The following PALM2AKAP2 variants were observed in gnomAD, a reference collection of about 807,000 sequenced individuals.
PALM2AKAP2 encodes the protein PALM2 and AKAP2 fusion.
A neutral mutation model predicts 71.5 loss-of-function variants in PALM2AKAP2; 37 were observed. That is an observed-to-expected ratio of 0.52 (90% CI 0.40 to 0.68). The LOEUF (loss-of-function observed/expected upper bound fraction) is 0.68, where lower values mean the gene tolerates loss of function less well. Among genes scored for constraint, PALM2AKAP2 ranks in the 30% least tolerant of loss-of-function variants. The pLI is 0.00. For missense variants in PALM2AKAP2, 1,224 were observed against 1,191.8 expected (o/e 1.03, Z -0.40); for synonymous variants, 468 against 478.8 (o/e 0.98, Z 0.29).
intron 1 of PALM2AKAP2, among the ~76,000 whole-genome samples, chr9:109,841,446 C>T (rs1234969763): frequency 1.6e-5 from 2 of 128,898 alleles, no homozygotes; most frequent in African/African-American, 6.1e-5. Flanking sequence ...AGCACACCAA[C>T]ATGGCACATG....
chr9:109,649,800 T>G (rs920418729), intron 1 of PALM2AKAP2, among the ~76,000 whole-genome samples: 4 of 152,208 alleles, frequency 2.6e-5, no homozygotes, highest in African/African-American at 7.2e-5. Flanking sequence ...ATATTTTGTC[T>G]CATAAAAAAT....
At chr9:109,944,297 G>A (rs1831450679) in intron 6 of PALM2AKAP2, 1 of 151,920 alleles carries the variant, frequency 6.6e-6, no homozygotes, top group Admixed American at 6.5e-5. Flanking sequence ...CTTTTTTCTG[G>A]ATATTTTCTG....
At chr9:109,958,117 A>C (rs759666588) in intron 6 of PALM2AKAP2, among the ~76,000 whole-genome samples, 1 of 152,046 alleles carries the variant, frequency 6.6e-6, no homozygotes, top group Admixed American at 6.6e-5. Flanking sequence ...TTCCCATTAC[A>C]AAAGAAATAT....
At chr9:110,046,480 T>C (rs1833598726), upstream of PALM2AKAP2, among the ~76,000 whole-genome samples, 1 of 150,094 alleles carries the variant, frequency 6.7e-6, no homozygotes, top group Non-Finnish European at 1.5e-5. Flanking sequence ...TTTTTTTTTT[T>C]TTTTTGAGAC....
intron 7 of PALM2AKAP2, among the ~76,000 whole-genome samples, chr9:110,026,563 A>T (rs2132394335): frequency 6.6e-6 from 1 of 152,186 alleles, no homozygotes; most frequent in South Asian, 2.1e-4. Context: ...CATCATCGTC[A>T]TCCATCCTTC....
chr9:110,005,788 A>T (rs751585584), intron 6 of PALM2AKAP2, among the ~76,000 whole-genome samples: 39 of 152,326 alleles, frequency 2.6e-4, no homozygotes, highest in Non-Finnish European at 4.9e-4. Flanking sequence ...CTGTGCTAGC[A>T]ATGAGCGAGG....
At chr9:109,920,118 G>T (rs1261413477) in intron 3 of PALM2AKAP2, among the ~76,000 whole-genome samples, 1 of 152,216 alleles carries the variant, frequency 6.6e-6, no homozygotes, top group Non-Finnish European at 1.5e-5. Flanking sequence ...GGCATTGGAA[G>T]GGGTGCAAGA....
intron 1 of PALM2AKAP2, among the ~76,000 whole-genome samples, chr9:110,109,706 A>T (rs1835201776): frequency 6.6e-6 from 1 of 152,104 alleles, no homozygotes; most frequent in South Asian, 2.1e-4. Context: ...AAAATAGATG[A>T]ATTTGCCTGG....
chr9:110,022,485 C>T (rs879539278), intron 7 of PALM2AKAP2, among the ~76,000 whole-genome samples: 8 of 152,116 alleles, frequency 5.3e-5, no homozygotes. Context: ...TCTTCCTGCT[C>T]TCCCTCTCTC....
intron 3 of PALM2AKAP2, among the ~76,000 whole-genome samples, chr9:109,913,272 A>G (rs1830612501): frequency 6.6e-6 from 1 of 152,222 alleles, no homozygotes; most frequent in Non-Finnish European, 1.5e-5. Context: ...CTGCACTGCA[A>G]GGCTGGAAAG....
At chr9:110,140,197 C>T (rs1835991720) in intron 2 of PALM2AKAP2, among the ~76,000 whole-genome samples, 1 of 152,170 alleles carries the variant, frequency 6.6e-6, no homozygotes, top group South Asian at 2.1e-4. Context: ...CTGTGATATT[C>T]AATGGATTAT....
intron 1 of PALM2AKAP2, among the ~76,000 whole-genome samples, chr9:109,828,442 T>A (rs1258807275): frequency 6.6e-6 from 1 of 152,224 alleles, no homozygotes; most frequent in African/African-American, 2.4e-5. Flanking sequence ...AGCACAATAT[T>A]GTACAGCCTA....
chr9:110,086,233 T>C (rs1834572135), intron 1 of PALM2AKAP2, among the ~76,000 whole-genome samples: 1 of 152,222 alleles, frequency 6.6e-6, no homozygotes, highest in Non-Finnish European at 1.5e-5. Flanking sequence ...AAAAACTATG[T>C]GCTTGCTATT....
chr9:110,158,835 G>A (rs1836526839), intron 3 of PALM2AKAP2, among the ~76,000 whole-genome samples: 1 of 152,174 alleles, frequency 6.6e-6, no homozygotes, highest in Admixed American at 6.5e-5. Context: ...AAATTCTTAG[G>A]ATCAGGACAA....
At chr9:110,005,747 C>T (rs1832766502) in intron 6 of PALM2AKAP2, among the ~76,000 whole-genome samples, 1 of 152,228 alleles carries the variant, frequency 6.6e-6, no homozygotes, top group Non-Finnish European at 1.5e-5. Flanking sequence ...CCCCCAGCCT[C>T]GCTGCCGCCT....
intron 5 of PALM2AKAP2, among the ~76,000 whole-genome samples, chr9:109,931,057 A>ACGGTGCC (rs1483504179): frequency 6.6e-6 from 1 of 152,224 alleles, no homozygotes; most frequent in Non-Finnish European, 1.5e-5. Context: ...GGAAGGGATC[A>ACGGTGCC]CATCTCATGG....
intron 7 of PALM2AKAP2, among the ~76,000 whole-genome samples, chr9:110,016,464 A>G (rs577144548): frequency 4.6e-4 from 70 of 152,350 alleles, no homozygotes; most frequent in Middle Eastern, 6.8e-3. Flanking sequence ...TCAGAGAGGC[A>G]TAAAGTAGCT....
intron 1 of PALM2AKAP2, among the ~76,000 whole-genome samples, chr9:109,820,812 A>G (rs1827977532): frequency 6.6e-6 from 1 of 152,212 alleles, no homozygotes; most frequent in African/African-American, 2.4e-5. Flanking sequence ...TCCTTTGAAC[A>G]GCAGTTTGCA....
At chr9:109,966,181 A>T (rs986452590) in intron 6 of PALM2AKAP2, among the ~76,000 whole-genome samples, 1 of 152,112 alleles carries the variant, frequency 6.6e-6, no homozygotes, top group Non-Finnish European at 1.5e-5. Flanking sequence ...AGAAAGATCA[A>T]TCTGGGGCAT....
Sources: allele counts gnomAD v4.1 joint callset (sites outside exome capture counted in the v4.1 genomes callset), GRCh38; gene constraint gnomAD v4.1.1; transcripts MANE v1.5; gene names NCBI Gene and HGNC (gene_info 2026-07-23, HGNC 2026-07-21).